The following SETX variants were observed in gnomAD, a reference collection of about 807,000 sequenced individuals.
SETX encodes helicase senataxin.
A neutral mutation model predicts 227.2 loss-of-function variants in SETX; 90 were observed. The observed-to-expected ratio is 0.40, with a 90% CI of 0.33 to 0.47. The LOEUF is 0.47. SETX is among the 20% of genes least tolerant of loss of function. SETX has a pLI of 0.91. For missense variants in SETX, 3,052 were observed against 3,181.5 expected (o/e 0.96, Z 0.98); for synonymous variants, 1,210 against 1,113.2 (o/e 1.09, Z -1.73).
intron 15 of SETX, among the ~76,000 whole-genome samples, chr9:132,295,229 T>C (rs1844600415): frequency 6.7e-6 from 1 of 149,850 alleles, no homozygotes; most frequent in Non-Finnish European, 1.5e-5. Context: ...GTATTTAACA[T>C]TTCTAAGCTT....
chr9:132,353,644 A>C lies in SETX; in HGVS notation c.-8+5T>G, dbSNP rs1364285016. 1 of 149,682 alleles carries C rather than the reference A, an allele frequency of 6.7e-6. No homozygotes were observed. Among genetic ancestry groups the C allele is most frequent in the Non-Finnish European group, 1.5e-5 (1 of 67,206 alleles). 9.3% of individuals were successfully genotyped at this position (149,682 alleles called of 1,614,324 possible). ...TGAACTCCTGCTAAAAAAAAAAATTATTACCTGGACAAATGGCCTACAGAA... is the reference window on the plus strand; with the variant it reads ...TGAACTCCTGCTAAAAAAAAAAATTCTTACCTGGACAAATGGCCTACAGAA... On this transcript the variant is annotated splice_donor_5th_base_variant and intron_variant, in intron 2 of 25. Coordinates refer to ENST00000224140, the MANE Select transcript of SETX (RefSeq NM_015046.7).
intron 15 of SETX, among the ~76,000 whole-genome samples, chr9:132,291,162 T>C (rs1254346261): frequency 8.2e-5 from 9 of 110,414 alleles, no homozygotes; most frequent in African/African-American, 3.4e-4. Context: ...TGAAAACCTT[T>C]TTTTTTTTTT....
Position 132,261,643 on chromosome 9 carries a change from T to C in SETX, c.*2596A>G, listed in dbSNP as rs1269720021. The stretch of plus-strand genomic sequence containing the variant: ...AAAAAATTGCTAATCTGCACAACTT[T>C]AAAAAATAGTTCAGTACATTTTTGT... On this transcript the variant is annotated 3_prime_UTR_variant, in exon 26 of 26. Coordinates refer to ENST00000224140, the MANE Select transcript of SETX (RefSeq NM_015046.7). 2.0e-5 allele frequency: 3 copies of C among 152,858 alleles called. No individual in the cohort carries two copies. The highest frequency in any genetic ancestry group is 1.5e-5 in the Non-Finnish European group (1 of 68,198). 9.5% of individuals were successfully genotyped at this position (152,858 alleles called of 1,614,324 possible).
chr9:132,341,811 A>C (rs1847987320), intron 5 of SETX, among the ~76,000 whole-genome samples: 1 of 152,134 alleles, frequency 6.6e-6, no homozygotes, highest in African/African-American at 2.4e-5. Flanking sequence ...GTCCTGCACA[A>C]GCTGAATCCC....
intron 6 of SETX, among the ~76,000 whole-genome samples, chr9:132,335,253 T>C (rs62576477): frequency 0.02 from 3,087 of 151,442 alleles, 39 homozygotes; most frequent in Non-Finnish European, 0.029. Context: ...TAGCCAGGCG[T>C]GGTGGCAGGC....
intron 5 of SETX, among the ~76,000 whole-genome samples, chr9:132,340,835 AATG>A (rs1401105382): frequency 6.6e-6 from 1 of 152,190 alleles, no homozygotes; most frequent in African/African-American, 2.4e-5. Flanking sequence ...CATCTAAGGC[AATG>A]ATGAGGGAGA....
In SETX at chr9:132,326,762, T is replaced by C. The variant is rs373977253; in HGVS notation, c.4836A>G (p.Lys1612=). ...AAAGTGCTGAAGAAGTTTCCAAAGA[T>C]TTAGAAAGACCAGCAATTCGTGAAG... is the stretch of plus-strand genomic sequence containing the variant. ...KSTSRIAGLS[K]SLETSSALSP... is the part of the protein sequence containing the mutation. Residue 1612 remains lysine, a synonymous_variant, in exon 10 of 26, where the codon AAA becomes AAG. Coordinates refer to ENST00000224140, the MANE Select transcript of SETX (RefSeq NM_015046.7). 8 of 1,614,086 alleles carry C rather than the reference T, an allele frequency of 5.0e-6. No individual in the cohort carries two copies. The highest frequency in any genetic ancestry group is 2.2e-5 in the East Asian group (1 of 44,896).
chr9:132,306,699 T>C (rs1225523006), intron 11 of SETX, among the ~76,000 whole-genome samples: 1 of 152,212 alleles, frequency 6.6e-6, no homozygotes. Context: ...TCTAGTTCTA[T>C]CAGTTTTATT....
At chr9:132,352,545 G>C (rs1044967511) in intron 2 of SETX, among the ~76,000 whole-genome samples, 3 of 152,152 alleles carry the variant, frequency 2.0e-5, no homozygotes, top group Non-Finnish European at 4.4e-5. Flanking sequence ...GAGGTCAAGA[G>C]ATCAAGACCA....
intron 7 of SETX, among the ~76,000 whole-genome samples, chr9:132,332,547 C>G (rs767502873): frequency 1.5e-4 from 23 of 152,278 alleles, no homozygotes; most frequent in Middle Eastern, 6.8e-3. Flanking sequence ...TGAAACAGTG[C>G]CTGTGTCTAA....
intron 10 of SETX, among the ~76,000 whole-genome samples, chr9:132,319,035 G>A (rs971537548): frequency 6.6e-6 from 1 of 152,166 alleles, no homozygotes; most frequent in African/African-American, 2.4e-5. Context: ...CCAAAAGAGA[G>A]GGCCATTAGC....
intron 14 of SETX, 24 bp from the exon 15 acceptor site, chr9:132,296,052 C>T: frequency 6.2e-7 from 1 of 1,614,002 alleles, no homozygotes; most frequent in Non-Finnish European, 8.5e-7. Context: ...CATATACATA[C>T]CAAACAAACA....
intron 23 of SETX, chr9:132,275,034 C>T: frequency 3.6e-6 from 2 of 550,876 alleles, no homozygotes; most frequent in Non-Finnish European, 6.4e-6. Flanking sequence ...GTCAATTCCA[C>T]TGCCAAGGAG....
chr9:132,309,585 C>A (rs184739490), intron 11 of SETX, among the ~76,000 whole-genome samples: 52 of 152,152 alleles, frequency 3.4e-4, no homozygotes, highest in Admixed American at 1.0e-3. Context: ...CACCTGTAAT[C>A]CCAGCACTTC....
At chr9:132,276,948 CCT>C (rs1472908116) in intron 22 of SETX, 110 bp downstream of exon 22, 4 of 912,824 alleles carry the variant, frequency 4.4e-6, no homozygotes, top group Non-Finnish European at 5.3e-6. Flanking sequence ...ATGACTGTGC[CCT>C]GACACTAGGC....
chr9:132,288,328 G>A lies in SETX; in HGVS notation c.6232C>T (p.Gln2078Ter). 1 of 1,613,660 alleles carries A rather than the reference G, an allele frequency of 6.2e-7. No homozygotes were observed. The highest frequency in any genetic ancestry group is 8.5e-7 in the Non-Finnish European group (1 of 1,179,626). The change falls in exon 17 of 26, where the codon CAG (glutamine) becomes TAG (stop). Residue 2078 changes from glutamine (Q) to a stop codon, truncating the protein, a stop_gained. Transcript: ENST00000224140. LOFTEE classifies it high-confidence loss of function. Reference sequence around the variant, plus strand: ...AATTCCTTTCTTTTATGCATCGCCTGAACATGAGAAGGTAACTCTTTTTCT... The same window carrying A: ...AATTCCTTTCTTTTATGCATCGCCTAAACATGAGAAGGTAACTCTTTTTCT... ...RMKKELPSHV[Q>*]AMHKRKEFLD...
chr9:132,285,640 G>C (rs1050041815), intron 18 of SETX, among the ~76,000 whole-genome samples: 2 of 152,138 alleles, frequency 1.3e-5, no homozygotes, highest in Non-Finnish European at 2.9e-5. Flanking sequence ...CCAGCACTTA[G>C]GGAGGCCGAG....
rs1023912498 is a variant in SETX at position 132,283,493 on chromosome 9, C to T, written c.6397-80G>A. 3.4e-5 allele frequency: 50 copies of T among 1,486,222 alleles called. No homozygotes were observed. The African/African-American group carries it at 6.5e-4, about 19-fold the overall frequency. 92.1% of individuals were successfully genotyped at this position (1,486,222 alleles called of 1,614,324 possible). A position where few individuals can be genotyped will look rare whatever the true frequency, so the allele number is the denominator to read the frequency against. ...ACAGGCCTATGTTTACTATAAAACA[C>T]TCACTATTTATTAAAATAGATTTAT... On this transcript the variant is annotated intron_variant, in intron 18 of 25. Coordinates refer to ENST00000224140, the MANE Select transcript of SETX (RefSeq NM_015046.7).
intron 20 of SETX, among the ~76,000 whole-genome samples, chr9:132,279,925 G>A (rs1026740998): frequency 1.3e-5 from 2 of 151,716 alleles, no homozygotes; most frequent in African/African-American, 4.8e-5. Flanking sequence ...CCAAACCCAC[G>A]TACATATACA....
Sources: allele counts gnomAD v4.1 joint callset (sites outside exome capture counted in the v4.1 genomes callset), GRCh38; gene constraint gnomAD v4.1.1; transcripts MANE v1.5; gene names NCBI Gene and HGNC (gene_info 2026-07-23, HGNC 2026-07-21).